Variants in DNMBP observed in about 807,000 individuals in gnomAD.
DNMBP encodes the protein dynamin binding protein.
Under a neutral mutation model 150.0 loss-of-function variants are expected in DNMBP, and 87 were observed. That is an observed-to-expected ratio of 0.58 (90% CI 0.49 to 0.69). The LOEUF (loss-of-function observed/expected upper bound fraction) is 0.69. DNMBP is among the 30% of genes least tolerant of loss of function. DNMBP has a pLI of 0.00. For missense variants in DNMBP, 1,774 were observed against 1,949.0 expected (o/e 0.91, Z 1.69); for synonymous variants, 711 against 750.4 (o/e 0.95, Z 0.86).
chr10:99,973,419 C>T (rs1278276183), intron 1 of DNMBP, among the ~76,000 whole-genome samples: 2 of 152,070 alleles, frequency 1.3e-5, no homozygotes, highest in African/African-American at 4.8e-5. Flanking sequence ...TTTAAAACAC[C>T]AGACAACATG....
At chr10:99,994,005 T>C (rs1589453118) in intron 1 of DNMBP, among the ~76,000 whole-genome samples, 1 of 152,098 alleles carries the variant, frequency 6.6e-6, no homozygotes, top group South Asian at 2.1e-4. Context: ...GCATGGAGGG[T>C]AGGTAACAAA....
intron 16 of DNMBP, among the ~76,000 whole-genome samples, chr10:99,879,095 A>AAAAAAAAAAAC (rs1315475720): frequency 6.7e-6 from 1 of 150,304 alleles, no homozygotes; most frequent in Non-Finnish European, 1.5e-5. Context: ...AAAAAAAAAA[A>AAAAAAAAAAAC]AAAAAACCCA....
At chr10:99,935,172 G>A (rs2133294355) in intron 4 of DNMBP, among the ~76,000 whole-genome samples, 1 of 151,440 alleles carries the variant, frequency 6.6e-6, no homozygotes, top group South Asian at 2.1e-4. Flanking sequence ...AAGGAAATGA[G>A]CAGCAGAAGT....
At position 99,967,399 on chromosome 10, in the gene DNMBP, G is replaced by A. The variant is rs2040629862; in HGVS notation, c.268+1716C>T. On this transcript the variant is annotated intron_variant, in intron 3 of 16. Transcript: ENST00000324109. ...AAATTAGCTGGGTGTGGTGGCAGGTGCCTGTAGTCCCAGCTACTCAGGAGG... is the reference window on the plus strand; with the variant it reads ...AAATTAGCTGGGTGTGGTGGCAGGTACCTGTAGTCCCAGCTACTCAGGAGG... Among the ~76,000 whole-genome samples, 4 of 152,084 alleles carry A rather than the reference G, an allele frequency of 2.6e-5. No homozygotes were observed. In the South Asian group the frequency reaches 8.3e-4, roughly 32 times the overall value.
chr10:100,004,378 G>A (rs955431664), intron 1 of DNMBP, among the ~76,000 whole-genome samples: 1 of 151,902 alleles, frequency 6.6e-6, no homozygotes, highest in Non-Finnish European at 1.5e-5. Flanking sequence ...AAGATGAATG[G>A]CTTGCTGTGC....
chr10:99,999,318 T>C (rs2040986403), intron 1 of DNMBP, among the ~76,000 whole-genome samples: 1 of 152,236 alleles, frequency 6.6e-6, no homozygotes, highest in Non-Finnish European at 1.5e-5. Flanking sequence ...GGTACAACTT[T>C]AGGGCAAGTT....
In DNMBP at chr10:99,880,341, T is replaced by C. The variant is rs2039347734; in HGVS notation, c.4018A>G (p.Ser1340Gly). 1.3e-6 allele frequency: 2 copies of C among 1,599,234 alleles called. No homozygotes were observed. The highest frequency in any genetic ancestry group is 2.2e-5 in the East Asian group (1 of 44,680). Residue 1340 changes from serine to glycine, a missense_variant, in exon 16 of 17, where the codon AGC becomes GGC. Around this residue, in one of 2 missense-constraint regions of DNMBP, gnomAD observed 1,430 missense variants for 1,492.5 expected, o/e 0.96. Coordinates refer to ENST00000324109, the MANE Select transcript of DNMBP (RefSeq NM_015221.4). ...DNGVTKGFVY[S>G]SFLKPYNPRR... ...GGATTGTAGGGCTTTAGGAAAGAGCTGTACACGAAGCCTTTGGTGACTACA... is the reference window on the plus strand; with the variant it reads ...GGATTGTAGGGCTTTAGGAAAGAGCCGTACACGAAGCCTTTGGTGACTACA...
At chr10:99,916,157 A>G (rs2039962946) in intron 4 of DNMBP, among the ~76,000 whole-genome samples, 1 of 152,230 alleles carries the variant, frequency 6.6e-6, no homozygotes, top group South Asian at 2.1e-4. Context: ...AATGCCACCC[A>G]ATATAACATA....
At chr10:99,983,120 T>C (rs1036241615) in intron 1 of DNMBP, among the ~76,000 whole-genome samples, 12 of 152,128 alleles carry the variant, frequency 7.9e-5, no homozygotes, top group African/African-American at 2.7e-4. Flanking sequence ...TCCCTTTCTG[T>C]AGGGGCAGTC....
intron 4 of DNMBP, among the ~76,000 whole-genome samples, chr10:99,941,614 A>G (rs951014216): frequency 6.6e-6 from 1 of 152,074 alleles, no homozygotes; most frequent in South Asian, 2.1e-4. Context: ...GATTACAGGC[A>G]TGTGCCACCA....
intron 4 of DNMBP, among the ~76,000 whole-genome samples, chr10:99,947,505 C>T (rs1372034598): frequency 1.3e-5 from 2 of 148,996 alleles, no homozygotes; most frequent in African/African-American, 4.9e-5. Flanking sequence ...GTGGGAGCTA[C>T]ACACTGGGTA....
At chr10:99,996,691 TCTTGA>T (rs1319919181) in intron 1 of DNMBP, among the ~76,000 whole-genome samples, 3 of 152,228 alleles carry the variant, frequency 2.0e-5, no homozygotes, top group Non-Finnish European at 4.4e-5. Flanking sequence ...AGATTTTTAG[TCTTGA>T]CTTATTAACC....
chr10:99,953,603 C>T (rs1249737707), intron 4 of DNMBP, among the ~76,000 whole-genome samples: 3 of 151,950 alleles, frequency 2.0e-5, no homozygotes, highest in African/African-American at 7.3e-5. Flanking sequence ...GTGGATCACT[C>T]GAGGTCAGGA....
rs1439161172 is a variant in DNMBP at position 99,956,820 on chromosome 10, A to T, written c.654T>A (p.Asp218Glu). 1.2e-6 allele frequency: 2 copies of T among 1,614,160 alleles called. No individual in the cohort carries two copies. The highest frequency in any genetic ancestry group is 4.5e-5 in the East Asian group (2 of 44,876). Residue 218 changes from aspartate (D) to glutamate (E), a missense_variant, in exon 4 of 17, where the codon GAT becomes GAA. Asp to Glu is a conservative substitution (Grantham distance 45, BLOSUM62 2). Transcript: ENST00000324109. Reference protein sequence around the residue: ...VDESVSSGNQDDCIVNGEVDT... With the variant: ...VDESVSSGNQEDCIVNGEVDT... ...CTACTTCACCATTAACAATGCAGTC[A>T]TCTTGATTTCCAGAACTTACTGACT...
At position 99,915,108 on chromosome 10, in the gene DNMBP, A is replaced by AAAAAAAT. The variant is rs10654940; in HGVS notation, c.2261-5963_2261-5962insATTTTTT. Among the ~76,000 whole-genome samples the AAAAAAAT allele has an allele frequency of 1.7e-3, 170 of 99,774 alleles. 2 individuals are homozygous for AAAAAAAT. The highest frequency in any genetic ancestry group is 5.3e-3 in the East Asian group (22 of 4,160). 65.5% of individuals were successfully genotyped at this position (99,774 alleles called of 152,430 possible). A position where few individuals can be genotyped will look rare whatever the true frequency, so the allele number is the denominator to read the frequency against. On this transcript the variant is annotated intron_variant, in intron 4 of 16. Coordinates refer to ENST00000324109, the MANE Select transcript of DNMBP (RefSeq NM_015221.4). The stretch of plus-strand genomic sequence containing the variant: ...AAACTCTGTCTCAAAAAAAAAAAAA[A>AAAAAAAT]ATATATATATATATATATATACACA...
At chr10:99,977,754 CTT>C (rs1017613103) in intron 1 of DNMBP, among the ~76,000 whole-genome samples, 11 of 152,224 alleles carry the variant, frequency 7.2e-5, no homozygotes, top group Admixed American at 7.2e-4. Flanking sequence ...ATATGAAACT[CTT>C]TTTTTATTCT....
At chr10:99,889,126 C>G (rs1008990942) in intron 11 of DNMBP, 173 bp from the exon 12 acceptor site, 1 of 672,952 alleles carries the variant, frequency 1.5e-6, no homozygotes, top group Non-Finnish European at 2.4e-6. Flanking sequence ...CTATGACTTA[C>G]GGGGCACAGA....
chr10:99,923,355 C>T (rs1487575959), intron 4 of DNMBP, among the ~76,000 whole-genome samples: 1 of 152,030 alleles, frequency 6.6e-6, no homozygotes, highest in African/African-American at 2.4e-5. Flanking sequence ...CACTGTACTG[C>T]AGCCTGGTCA....
rs772987204 is a variant in DNMBP, at chr10:99,880,299, C to T, written c.4060G>A (p.Asp1354Asn). The T allele has an allele frequency of 1.5e-5, 24 of 1,613,092 alleles. No homozygotes were observed. The East Asian group carries it at 3.6e-4, about 24-fold the overall frequency. The change falls in exon 16 of 17, where the codon GAT becomes AAT. Residue 1354 changes from aspartate (D) to asparagine (N), a missense_variant. Around this residue, in one of 2 missense-constraint regions of DNMBP, gnomAD observed 1,430 missense variants for 1,492.5 expected, o/e 0.96. Coordinates refer to ENST00000324109, the MANE Select transcript of DNMBP (RefSeq NM_015221.4). ...KPYNPRRSHS[D>N]ASVGSHSSTE... is the part of the protein sequence containing the mutation. ...GAGGAGTGGCTACCCACGGAGGCAT[C>T]GGAGTGGCTGCGGCGAGGATTGTAG...
Sources: allele counts gnomAD v4.1 joint callset (sites outside exome capture counted in the v4.1 genomes callset), GRCh38; gene constraint gnomAD v4.1.1; regional missense constraint gnomAD v4.1.1; transcripts MANE v1.5; gene names NCBI Gene and HGNC (gene_info 2026-07-23, HGNC 2026-07-21).